Variants in RGL1 observed in about 807,000 individuals in gnomAD.
The protein encoded by RGL1 is ral guanine nucleotide dissociation stimulator-like 1.
A neutral mutation model predicts 95.2 loss-of-function variants in RGL1; 24 were observed. The ratio of observed to expected loss-of-function variants is 0.25; its 90% confidence interval spans 0.18 to 0.35. RGL1 has a LOEUF of 0.35. Among genes scored for constraint, RGL1 ranks in the 10% least tolerant of loss-of-function variants. The pLI is 1.00. For missense variants in RGL1, 715 were observed against 936.3 expected (o/e 0.76, Z 3.08); for synonymous variants, 329 against 344.9 (o/e 0.95, Z 0.51).
chr1:183,753,564 A>G (rs1658153411), intron 2 of RGL1, among the ~76,000 whole-genome samples: 1 of 152,226 alleles, frequency 6.6e-6, no homozygotes, highest in African/African-American at 2.4e-5. Flanking sequence ...ATTCCTAGAA[A>G]TGGGCCTAGA....
At chr1:183,764,102 G>C (rs1270795451) in intron 2 of RGL1, among the ~76,000 whole-genome samples, 1 of 152,134 alleles carries the variant, frequency 6.6e-6, no homozygotes, top group Non-Finnish European at 1.5e-5. Context: ...TATTTGCAGG[G>C]GAGACCAGAT....
At chr1:183,905,581 G>GGT (rs1293763214) in intron 13 of RGL1, among the ~76,000 whole-genome samples, 1 of 152,166 alleles carries the variant, frequency 6.6e-6, no homozygotes, top group Non-Finnish European at 1.5e-5. Context: ...GCAAAAGCTT[G>GGT]GTGGCCTGAC....
intron 2 of RGL1, among the ~76,000 whole-genome samples, chr1:183,748,773 C>T (rs1274850847): frequency 1.3e-5 from 2 of 152,142 alleles, no homozygotes; most frequent in African/African-American, 2.4e-5. Flanking sequence ...ATAAATTTCC[C>T]TCTAAACACT....
chr1:183,663,658 T>C (rs1353312486), intron 1 of RGL1, among the ~76,000 whole-genome samples: 1 of 151,958 alleles, frequency 6.6e-6, no homozygotes, highest in Non-Finnish European at 1.5e-5. Flanking sequence ...AGTGTGGCGA[T>C]TCCTCAGGGA....
chr1:183,794,228 TA>T (rs951205156), intron 2 of RGL1, among the ~76,000 whole-genome samples: 1 of 151,730 alleles, frequency 6.6e-6, no homozygotes, highest in Non-Finnish European at 1.5e-5. Flanking sequence ...ATGTGGGAGC[TA>T]AAAAAAAGTT....
intron 1 of RGL1, among the ~76,000 whole-genome samples, chr1:183,708,789 CACAGAGAGGTG>C (rs775942413): frequency 5.9e-5 from 9 of 152,326 alleles, no homozygotes; most frequent in South Asian, 2.1e-4. Context: ...GGTGTGCATG[CACAGAGAGGTG>C]ACTGGAGGCT....
At chr1:183,772,877 C>T (rs1472703606) in intron 2 of RGL1, among the ~76,000 whole-genome samples, 4 of 151,116 alleles carry the variant, frequency 2.6e-5, no homozygotes, top group African/African-American at 4.9e-5. Context: ...GGCGCGGTGG[C>T]GGGCGCCTGT....
chr1:183,842,722 A>G lies in RGL1; in HGVS notation c.139-4844A>G, dbSNP rs77370812. Reference sequence around the variant, plus strand: ...CTGTTAGCGTGCTAACCCACAGGACAGGCTCAGGCCTCCGTGTCTTGCTTT... The same window carrying G: ...CTGTTAGCGTGCTAACCCACAGGACGGGCTCAGGCCTCCGTGTCTTGCTTT... On this transcript the variant is annotated intron_variant, in intron 2 of 17. Transcript: ENST00000360851. Among the ~76,000 whole-genome samples the G allele has an allele frequency of 2.7e-3, 418 of 152,344 alleles. 8 individuals are homozygous for G. The East Asian group carries it at 0.051, about 19-fold the overall frequency.
chr1:183,753,933 G>T (rs1033341623), intron 2 of RGL1, among the ~76,000 whole-genome samples: 1 of 147,516 alleles, frequency 6.8e-6, no homozygotes, highest in African/African-American at 2.5e-5. Context: ...TGTGAGTTTT[G>T]TGATTTTTGA....
At chr1:183,676,280 T>C (rs1652823860) in intron 1 of RGL1, among the ~76,000 whole-genome samples, 1 of 152,220 alleles carries the variant, frequency 6.6e-6, no homozygotes, top group Admixed American at 6.5e-5. Context: ...ATTTTATGTT[T>C]ATTTAATTAT....
chr1:183,802,378 C>A (rs545596376), upstream of RGL1, among the ~76,000 whole-genome samples: 1 of 152,086 alleles, frequency 6.6e-6, no homozygotes, highest in Non-Finnish European at 1.5e-5. Context: ...CATGAGATCT[C>A]CAGCTTTACT....
intron 2 of RGL1, among the ~76,000 whole-genome samples, chr1:183,799,052 GC>G (rs1660845880): frequency 6.6e-6 from 1 of 151,824 alleles, no homozygotes; most frequent in East Asian, 1.9e-4. Flanking sequence ...ACAGGCGCCC[GC>G]CACCATGCCT....
intron 8 of RGL1, among the ~76,000 whole-genome samples, chr1:183,889,371 T>C (rs1667288014): frequency 6.6e-6 from 1 of 152,176 alleles, no homozygotes; most frequent in Admixed American, 6.5e-5. Flanking sequence ...AGTTAGGCTA[T>C]ATCAGGGAAG....
intron 2 of RGL1, among the ~76,000 whole-genome samples, chr1:183,771,730 C>A (rs1659283426): frequency 6.6e-6 from 1 of 152,152 alleles, no homozygotes; most frequent in Non-Finnish European, 1.5e-5. Flanking sequence ...AGGGCTCCAC[C>A]CCCACGGACC....
intron 1 of RGL1, among the ~76,000 whole-genome samples, chr1:183,693,800 C>T (rs141010961): frequency 2.5e-4 from 38 of 152,212 alleles, no homozygotes; most frequent in African/African-American, 8.4e-4. Context: ...AGCTGAGCAC[C>T]TGCTTTGAGT....
At chr1:183,701,543 G>C (rs1654596695) in intron 1 of RGL1, among the ~76,000 whole-genome samples, 1 of 152,132 alleles carries the variant, frequency 6.6e-6, no homozygotes, top group African/African-American at 2.4e-5. Flanking sequence ...GGAATTCAAT[G>C]GGAAGTGAAA....
chr1:183,887,921 AC>A (rs1244470585), intron 7 of RGL1, among the ~76,000 whole-genome samples: 117 of 152,324 alleles, frequency 7.7e-4, no homozygotes, highest in African/African-American at 2.8e-3. Context: ...CCAATTTGAA[AC>A]CAAATGAATG....
At chr1:183,718,939 G>A (rs1334741637) in intron 1 of RGL1, among the ~76,000 whole-genome samples, 2 of 151,846 alleles carry the variant, frequency 1.3e-5, no homozygotes, top group African/African-American at 2.4e-5. Flanking sequence ...ACAAAAAAAC[G>A]AAAACGAACA....
intron 1 of RGL1, among the ~76,000 whole-genome samples, chr1:183,710,694 A>G (rs1655208413): frequency 6.6e-6 from 1 of 152,184 alleles, no homozygotes; most frequent in Non-Finnish European, 1.5e-5. Context: ...GAGAGCACAC[A>G]GGGGAAACTG....
Sources: gnomAD v4.1 joint callset for allele counts (sites outside exome capture counted in the v4.1 genomes callset) on GRCh38, gnomAD v4.1.1 for gene constraint, MANE v1.5 for transcripts, NCBI Gene and HGNC (gene_info 2026-07-23, HGNC 2026-07-21) for gene names.